Variants in DNAJC1 observed in about 807,000 individuals in gnomAD.
DNAJC1 encodes DnaJ heat shock protein family (Hsp40) member C1.
DNAJC1 carries 58 observed loss-of-function variants against 76.6 expected under a neutral mutation model. The observed-to-expected ratio is 0.76, with a 90% confidence interval of 0.61 to 0.94. The LOEUF (loss-of-function observed/expected upper bound fraction) is 0.94, where lower values mean the gene tolerates loss of function less well. Ranked by LOEUF, DNAJC1 falls within the 40% of genes least tolerant of loss-of-function variation. The pLI is 0.00. For missense variants in DNAJC1, 689 were observed against 677.3 expected (o/e 1.02, Z -0.19); for synonymous variants, 258 against 267.9 (o/e 0.96, Z 0.36).
chr10:21,788,001 C>T (rs1421754223), intron 9 of DNAJC1, among the ~76,000 whole-genome samples: 1 of 152,196 alleles, frequency 6.6e-6, no homozygotes, highest in Non-Finnish European at 1.5e-5. Flanking sequence ...TGAGGCTACC[C>T]CACCATCAGA....
In DNAJC1 at chr10:21,919,997, C is replaced by T. The variant is rs979057648; in HGVS notation, c.538-68G>A. 1.3e-4 allele frequency: 132 copies of T among 993,158 alleles called. No homozygotes were observed. In the African/African-American group the frequency reaches 1.9e-3, roughly 14 times the overall value. 61.5% of individuals were successfully genotyped at this position (993,158 alleles called of 1,614,324 possible). On this transcript the variant is annotated intron_variant, in intron 4 of 11. Transcript: ENST00000376980. Reference sequence around the variant, plus strand: ...GTACACTTCAAATGTTATCTAGGCTCTTCTGTGAAGGGTAAACATTATAGA... The same window carrying T: ...GTACACTTCAAATGTTATCTAGGCTTTTCTGTGAAGGGTAAACATTATAGA...
intron 10 of DNAJC1, among the ~76,000 whole-genome samples, chr10:21,765,789 A>G (rs1454086348): frequency 1.3e-5 from 2 of 152,180 alleles, no homozygotes; most frequent in African/African-American, 4.8e-5. Context: ...GGTTGCAGTG[A>G]GCCGAGATTG....
chr10:21,824,355 C>T (rs1433001915), intron 8 of DNAJC1, among the ~76,000 whole-genome samples: 1 of 152,150 alleles, frequency 6.6e-6, no homozygotes, highest in Admixed American at 6.5e-5. Flanking sequence ...AAATGCACTT[C>T]AAGTGTGAGA....
intron 9 of DNAJC1, among the ~76,000 whole-genome samples, chr10:21,784,189 T>G (rs1834572427): frequency 6.6e-6 from 1 of 151,930 alleles, no homozygotes; most frequent in South Asian, 2.1e-4. Flanking sequence ...ACAAAGAACT[T>G]AAACAAATTT....
chr10:21,818,427 G>T (rs1450869267), intron 8 of DNAJC1, among the ~76,000 whole-genome samples: 1 of 152,206 alleles, frequency 6.6e-6, no homozygotes, highest in East Asian at 1.9e-4. Flanking sequence ...TTTTGCCCCA[G>T]TCCTGTGGTC....
intron 1 of DNAJC1, among the ~76,000 whole-genome samples, chr10:21,979,197 A>T (rs1838112123): frequency 6.6e-6 from 1 of 152,030 alleles, no homozygotes. Context: ...GCCTTCTATT[A>T]ATATAAGTAG....
At chr10:21,968,927 G>A (rs920372329) in intron 1 of DNAJC1, among the ~76,000 whole-genome samples, 5 of 152,010 alleles carry the variant, frequency 3.3e-5, no homozygotes, top group African/African-American at 1.2e-4. Context: ...TGAGTTGGAA[G>A]AAAATCCTAG....
intron 6 of DNAJC1, among the ~76,000 whole-genome samples, chr10:21,907,880 A>T (rs1836772471): frequency 6.7e-6 from 1 of 149,374 alleles, no homozygotes; most frequent in Admixed American, 6.8e-5. Context: ...CAGGAGGCTG[A>T]GGCAAGAGAA....
At chr10:21,992,649 T>C (rs1838345239) in intron 1 of DNAJC1, among the ~76,000 whole-genome samples, 1 of 152,238 alleles carries the variant, frequency 6.6e-6, no homozygotes, top group Non-Finnish European at 1.5e-5. Context: ...ACATATCTAT[T>C]GCACAGTGCT....
intron 5 of DNAJC1, 104 bp from the exon 6 acceptor site, chr10:21,918,976 T>G (rs891059235): frequency 4.0e-6 from 3 of 750,046 alleles, no homozygotes; most frequent in Non-Finnish European, 6.7e-6. Context: ...CTTTTGTGAA[T>G]GGCTACTTCA....
chr10:21,759,147 A>G (rs937001589), intron 11 of DNAJC1, 23 bp downstream of exon 11: 4 of 1,600,082 alleles, frequency 2.5e-6, no homozygotes, highest in Non-Finnish European at 2.6e-6. Context: ...ACCTGTGCAG[A>G]GGCCTCTTTC....
At chr10:21,785,903 A>G (rs1834600054) in intron 9 of DNAJC1, among the ~76,000 whole-genome samples, 1 of 152,202 alleles carries the variant, frequency 6.6e-6, no homozygotes, top group Non-Finnish European at 1.5e-5. Context: ...TATGTAATGT[A>G]TGGATTTTAA....
chr10:21,918,957 T>C (rs1423921039), intron 5 of DNAJC1, 85 bp from the exon 6 acceptor site: 23 of 919,982 alleles, frequency 2.5e-5, no homozygotes, highest in African/African-American at 1.7e-5. Context: ...TCTATAAAGA[T>C]CATGAATTCT....
At chr10:21,808,231 C>A (rs1001292791) in intron 8 of DNAJC1, among the ~76,000 whole-genome samples, 2 of 152,046 alleles carry the variant, frequency 1.3e-5, no homozygotes, top group Non-Finnish European at 2.9e-5. Context: ...AAATATAAAT[C>A]ATTGTTTCAG....
intron 1 of DNAJC1, among the ~76,000 whole-genome samples, chr10:21,963,918 GT>G (rs1837844808): frequency 6.6e-6 from 1 of 151,826 alleles, no homozygotes; most frequent in Non-Finnish European, 1.5e-5. Flanking sequence ...TAGAATGAGT[GT>G]TTTCTGTTTA....
intron 7 of DNAJC1, among the ~76,000 whole-genome samples, chr10:21,885,119 C>A (rs2131724918): frequency 6.6e-6 from 1 of 152,172 alleles, no homozygotes. Context: ...CTTCAAGAGA[C>A]CCATCTCACA....
intron 1 of DNAJC1, among the ~76,000 whole-genome samples, chr10:21,942,503 T>C (rs976676790): frequency 6.6e-6 from 1 of 152,054 alleles, no homozygotes; most frequent in Non-Finnish European, 1.5e-5. Flanking sequence ...AAATATAAGA[T>C]ATATATAAGA....
intron 8 of DNAJC1, among the ~76,000 whole-genome samples, chr10:21,859,682 A>G (rs1835892369): frequency 6.6e-6 from 1 of 152,160 alleles, no homozygotes; most frequent in Admixed American, 6.5e-5. Context: ...ATTCACTGCC[A>G]TGACATTTTA....
At chr10:21,884,723 T>C (rs930083458) in intron 7 of DNAJC1, among the ~76,000 whole-genome samples, 9 of 152,180 alleles carry the variant, frequency 5.9e-5, no homozygotes, top group African/African-American at 2.2e-4. Context: ...GAAATCACCA[T>C]TGAAGTAGAG....
Sources: gnomAD v4.1 joint callset for allele counts (sites outside exome capture counted in the v4.1 genomes callset) on GRCh38, gnomAD v4.1.1 for gene constraint, MANE v1.5 for transcripts, NCBI Gene and HGNC (gene_info 2026-07-23, HGNC 2026-07-21) for gene names.